USP33: variants seen among roughly 807,000 people sequenced by gnomAD.
The protein encoded by USP33 is ubiquitin carboxyl-terminal hydrolase 33.
Under a neutral mutation model 124.2 loss-of-function variants are expected in USP33, and 46 were observed. That is an observed-to-expected ratio of 0.37 (90% CI 0.29 to 0.47). The LOEUF is 0.47. Among genes scored for constraint, USP33 ranks in the 20% least tolerant of loss-of-function variants. The probability of loss-of-function intolerance (pLI) is 0.99; values close to 1 mark genes in which losing one functional copy is unlikely to be tolerated. For synonymous variants in USP33, 350 were observed against 352.3 expected (o/e 0.99, Z 0.07); for missense variants, 851 against 1,070.6 (o/e 0.79, Z 2.86).
At chr1:77,734,116 T>C (rs1678152645) in intron 7 of USP33, among the ~76,000 whole-genome samples, 1 of 152,118 alleles carries the variant, frequency 6.6e-6, no homozygotes, top group Non-Finnish European at 1.5e-5. Flanking sequence ...TAAGAAACAA[T>C]AACTTGCTCA....
At chr1:77,746,629 A>C (rs931192800) in intron 1 of USP33, 8 of 152,276 alleles carry the variant, frequency 5.3e-5, no homozygotes, top group Admixed American at 2.0e-4. Context: ...AAAAATCCTC[A>C]ATAAAATACT....
intron 17 of USP33, among the ~76,000 whole-genome samples, chr1:77,716,291 C>T (rs1477528775): frequency 6.6e-6 from 1 of 152,138 alleles, no homozygotes. Flanking sequence ...AACTCCGAGC[C>T]TCAAGTGATC....
chr1:77,713,347 A>T (rs1412966707), intron 19 of USP33, 66 bp from the exon 20 acceptor site: 18 of 1,226,852 alleles, frequency 1.5e-5, no homozygotes, highest in Non-Finnish European at 1.9e-5. Flanking sequence ...CATTAAACTC[A>T]TTTTTTTTTT....
chr1:77,759,404 C>T (rs1301074696), intron 1 of USP33: 1 of 393,384 alleles, frequency 2.5e-6, no homozygotes, highest in Non-Finnish European at 4.5e-6. Flanking sequence ...AATCAACGAC[C>T]GGTTCCCATC....
rs370075694 is a variant in USP33 at position 77,701,733 on chromosome 1, G to T, written c.2407-262C>A. ...TGCCCAGGCTGGAGTGCAATGGCAC[G>T]ATCTGGGCTCACTGTAACCTCCGCC... On this transcript the variant is annotated intron_variant, in intron 21 of 23. Coordinates refer to ENST00000370794, the MANE Select transcript of USP33 (RefSeq NM_201624.3). The T allele has an allele frequency of 2.2e-5, 6 of 270,076 alleles. No individual in the cohort carries two copies. In the South Asian group the frequency reaches 3.4e-4, roughly 15 times the overall value. 16.7% of individuals were successfully genotyped at this position (270,076 alleles called of 1,614,324 possible).
chr1:77,742,942 A>C (rs1679298121), intron 1 of USP33, among the ~76,000 whole-genome samples: 2 of 150,024 alleles, frequency 1.3e-5, no homozygotes, highest in East Asian at 3.9e-4. Context: ...TTATTTATTT[A>C]TTTATTTATT....
At chr1:77,730,841 C>T in intron 7 of USP33, 110 bp from the exon 8 acceptor site, 1 of 631,060 alleles carries the variant, frequency 1.6e-6, no homozygotes, top group South Asian at 3.7e-5. Flanking sequence ...TTATTTCTTT[C>T]TTTGATCCCT....
intron 5 of USP33, among the ~76,000 whole-genome samples, chr1:77,738,933 C>T (rs1026850385): frequency 6.6e-6 from 1 of 152,052 alleles, no homozygotes; most frequent in Non-Finnish European, 1.5e-5. Context: ...CTGCCATATG[C>T]TATCAAAGAA....
intron 22 of USP33, 133 bp from the exon 23 acceptor site, chr1:77,698,064 A>C: frequency 1.5e-6 from 1 of 646,746 alleles, no homozygotes; most frequent in East Asian, 3.2e-5. Context: ...TATTATAGTT[A>C]ATTCTTTTTT....
intron 18 of USP33, 30 bp from the exon 19 acceptor site, chr1:77,714,813 A>G (rs376179494): frequency 2.8e-4 from 443 of 1,601,288 alleles, no homozygotes; most frequent in Non-Finnish European, 3.4e-4. Flanking sequence ...GTTAAATTCA[A>G]TATGCATTTT....
chr1:77,757,571 G>T (rs1277846857), intron 1 of USP33, among the ~76,000 whole-genome samples: 1 of 152,178 alleles, frequency 6.6e-6, no homozygotes, highest in Non-Finnish European at 1.5e-5. Context: ...ACTAAATAGA[G>T]CTGTTACTTA....
At chr1:77,749,099 T>C (rs1262750602) in intron 1 of USP33, among the ~76,000 whole-genome samples, 1 of 152,242 alleles carries the variant, frequency 6.6e-6, no homozygotes, top group Non-Finnish European at 1.5e-5. Flanking sequence ...GAAATAACTT[T>C]GACAGTATAG....
intron 3 of USP33, among the ~76,000 whole-genome samples, 189 bp downstream of exon 3, chr1:77,741,187 T>TAA (rs1679077093): frequency 6.6e-6 from 1 of 152,186 alleles, no homozygotes; most frequent in African/African-American, 2.4e-5. Context: ...AGTGATTTAC[T>TAA]AAAAACTACA....
chr1:77,741,844 A>G, intron 1 of USP33, 96 bp from the exon 2 acceptor site: 18 of 1,126,434 alleles, frequency 1.6e-5, no homozygotes, highest in Non-Finnish European at 2.2e-5. Context: ...TAACATATTA[A>G]AAATGATTAA....
At chr1:77,751,986 C>G (rs1166722729) in intron 1 of USP33, among the ~76,000 whole-genome samples, 1 of 151,968 alleles carries the variant, frequency 6.6e-6, no homozygotes, top group Non-Finnish European at 1.5e-5. Flanking sequence ...CCGCGCCGCG[C>G]CCGAAGATAT....
chr1:77,731,142 T>A (rs991224469), intron 7 of USP33, among the ~76,000 whole-genome samples: 1 of 152,188 alleles, frequency 6.6e-6, no homozygotes, highest in African/African-American at 2.4e-5. Flanking sequence ...TCCTATGACA[T>A]TTCCCTATAT....
At chr1:77,733,205 G>C (rs1182617643) in intron 7 of USP33, among the ~76,000 whole-genome samples, 1 of 152,052 alleles carries the variant, frequency 6.6e-6, no homozygotes. Context: ...ACCAGCCTAG[G>C]CAACAAGGTG....
chr1:77,709,146 CATTTATTT>C (rs1674953738), intron 21 of USP33, among the ~76,000 whole-genome samples: 1 of 151,988 alleles, frequency 6.6e-6, no homozygotes, highest in Admixed American at 6.6e-5. Flanking sequence ...TCCATTTATT[CATTTATTT>C]ATTTATACCA....
chr1:77,702,746 T>G (rs903745058), intron 21 of USP33, among the ~76,000 whole-genome samples: 3 of 152,074 alleles, frequency 2.0e-5, no homozygotes, highest in Non-Finnish European at 2.9e-5. Flanking sequence ...CAATTTTTAT[T>G]CTTAGTAAAT....
Sources: gnomAD v4.1 joint callset for allele counts (sites outside exome capture counted in the v4.1 genomes callset) on GRCh38, gnomAD v4.1.1 for gene constraint, MANE v1.5 for transcripts, NCBI Gene and HGNC (gene_info 2026-07-23, HGNC 2026-07-21) for gene names.